Variants in LNPK observed in about 807,000 individuals in gnomAD.
LNPK encodes the protein endoplasmic reticulum junction formation protein lunapark.
In LNPK, 29 loss-of-function variants were observed where a neutral mutation model predicts 55.2. The ratio of observed to expected loss-of-function variants is 0.53; its 90% CI spans 0.39 to 0.72. The LOEUF (loss-of-function observed/expected upper bound fraction) is 0.72. Ranked by LOEUF, LNPK falls within the 30% of genes least tolerant of loss-of-function variation. The pLI, the probability that LNPK is intolerant of heterozygous loss-of-function variation, is 0.00. For synonymous variants in LNPK, 162 were observed against 168.2 expected, an observed-to-expected ratio of 0.96 and a Z score of 0.29; for missense variants, 467 against 494.8, an observed-to-expected ratio of 0.94 and a Z score of 0.53.
chr2:175,992,780 ATAAT>A (rs1468007492), intron 3 of LNPK, among the ~76,000 whole-genome samples: 3 of 152,174 alleles, frequency 2.0e-5, no homozygotes, highest in Admixed American at 6.5e-5. Context: ...AATAAGAAAA[ATAAT>A]TAATAAAAAT....
chr2:175,936,840 G>C (rs1223012769), intron 12 of LNPK, among the ~76,000 whole-genome samples: 1 of 152,104 alleles, frequency 6.6e-6, no homozygotes, highest in Non-Finnish European at 1.5e-5. Flanking sequence ...TTGTTTTAAT[G>C]AAATACCAGT....
intron 5 of LNPK, among the ~76,000 whole-genome samples, chr2:175,979,609 T>A (rs1196045684): frequency 6.6e-6 from 1 of 151,936 alleles, no homozygotes; most frequent in East Asian, 1.9e-4. Context: ...AAAAAAAATC[T>A]AAATGAACAA....
intron 1 of LNPK, among the ~76,000 whole-genome samples, chr2:175,998,164 C>T (rs1280178738): frequency 6.6e-6 from 1 of 152,030 alleles, no homozygotes; most frequent in Admixed American, 6.6e-5. Flanking sequence ...AGTAAGCAGG[C>T]CGGGTGCGGT....
chr2:175,961,646 G>A lies in LNPK; in HGVS notation c.493+2726C>T, dbSNP rs7561431. Among the ~76,000 whole-genome samples, 970 of 152,208 alleles carry A rather than the reference G, an allele frequency of 6.4e-3. 10 individuals are homozygous for A. The highest frequency in any genetic ancestry group is 0.019 in the African/African-American group (788 of 41,528). On this transcript the variant is annotated intron_variant, in intron 8 of 12. Coordinates refer to ENST00000272748, the MANE Select transcript of LNPK (RefSeq NM_030650.3). Reference sequence around the variant, plus strand: ...CATTCCCTTTGAAAACTGGCACAAGGCAGGGATGCCCTCTCTCACCACTCC... The same window carrying A: ...CATTCCCTTTGAAAACTGGCACAAGACAGGGATGCCCTCTCTCACCACTCC...
At chr2:175,994,626 G>A (rs1018619396) in intron 2 of LNPK, among the ~76,000 whole-genome samples, 4 of 151,004 alleles carry the variant, frequency 2.6e-5, no homozygotes, top group African/African-American at 7.3e-5. Flanking sequence ...GGATGGAAGC[G>A]ATCCTGCCTC....
chr2:175,942,557 T>G lies in LNPK; in HGVS notation c.707-2900A>C, dbSNP rs78807306. ...ATCTGAAAAATCTCCAAATATTTGG[T>G]GACTAAATAACATACATTTGAATAA... On this transcript the variant is annotated intron_variant, in intron 9 of 12. Coordinates refer to ENST00000272748, the MANE Select transcript of LNPK (RefSeq NM_030650.3). Among the ~76,000 whole-genome samples the G allele has an allele frequency of 1.0e-3, 154 of 151,852 alleles. 3 individuals carry two copies. In the East Asian group the frequency reaches 0.028, roughly 28 times the overall value.
At chr2:175,986,276 A>C (rs1460905916) in intron 4 of LNPK, among the ~76,000 whole-genome samples, 1 of 152,176 alleles carries the variant, frequency 6.6e-6, no homozygotes, top group Non-Finnish European at 1.5e-5. Context: ...TCCACCAAAA[A>C]AACTCAATAA....
chr2:175,989,680 T>C (rs1687600640), intron 4 of LNPK, among the ~76,000 whole-genome samples: 1 of 152,166 alleles, frequency 6.6e-6, no homozygotes, highest in Admixed American at 6.6e-5. Context: ...TGTGTAGCCT[T>C]AATGACTCCT....
At chr2:175,974,372 C>A (rs1352248124) in intron 5 of LNPK, among the ~76,000 whole-genome samples, 1 of 152,134 alleles carries the variant, frequency 6.6e-6, no homozygotes, top group African/African-American at 2.4e-5. Flanking sequence ...AAAGTTATAA[C>A]TGCATCGGTC....
intron 4 of LNPK, 44 bp downstream of exon 4, chr2:175,992,187 T>C (rs1286897091): frequency 1.6e-6 from 2 of 1,278,642 alleles, no homozygotes; most frequent in African/African-American, 1.6e-5. Flanking sequence ...TAAGACTCTC[T>C]AGTCAGAAAA....
rs555155406 is a variant in LNPK at position 175,949,918 on chromosome 2, A to C, written c.494-2226T>G. 1.4e-4 allele frequency among the ~76,000 whole-genome samples: 21 copies of C among 152,244 alleles called. No individual in the cohort carries two copies. In the South Asian group the frequency reaches 4.1e-3, roughly 30 times the overall value. On this transcript the variant is annotated intron_variant, in intron 8 of 12. Transcript: ENST00000272748. ...TCTCAATTTAAAATACCTCAGATTT[A>C]TCTACTTTTAACTACTTGTGATTCA...
At chr2:175,941,821 A>AAG (rs1223436329) in intron 9 of LNPK, among the ~76,000 whole-genome samples, 3 of 147,318 alleles carry the variant, frequency 2.0e-5, no homozygotes, top group African/African-American at 7.6e-5. Flanking sequence ...AAAGAAAAAG[A>AAG]AGAGAGAGAG....
At chr2:175,965,418 T>C (rs950493758) in intron 6 of LNPK, among the ~76,000 whole-genome samples, 6 of 152,216 alleles carry the variant, frequency 3.9e-5, no homozygotes, top group Non-Finnish European at 4.4e-5. Flanking sequence ...AAGACAGTCA[T>C]AGTAATGACA....
chr2:175,930,846 T>A (rs200276919), intron 12 of LNPK, among the ~76,000 whole-genome samples: 1 of 152,330 alleles, frequency 6.6e-6, no homozygotes, highest in East Asian at 1.9e-4. Context: ...ACTACATACC[T>A]AGCATGTTAG....
chr2:175,970,162 T>C (rs983835990), intron 6 of LNPK, among the ~76,000 whole-genome samples: 3 of 152,306 alleles, frequency 2.0e-5, no homozygotes, highest in Admixed American at 6.5e-5. Context: ...TATTACAGAC[T>C]ACTATGTATC....
chr2:175,981,719 C>T (rs1033015607), intron 4 of LNPK, among the ~76,000 whole-genome samples: 1 of 152,282 alleles, frequency 6.6e-6, no homozygotes, highest in Non-Finnish European at 1.5e-5. Context: ...TAAAGATCTG[C>T]AATGACTTTA....
intron 12 of LNPK, among the ~76,000 whole-genome samples, chr2:175,934,984 A>T (rs1274014313): frequency 6.6e-6 from 1 of 152,130 alleles, no homozygotes; most frequent in African/African-American, 2.4e-5. Flanking sequence ...CGGTCCAGAA[A>T]TTTTAACAGC....
intron 9 of LNPK, among the ~76,000 whole-genome samples, chr2:175,942,755 C>T (rs1384952123): frequency 6.6e-6 from 1 of 151,136 alleles, no homozygotes; most frequent in Admixed American, 6.6e-5. Flanking sequence ...ATTTCAGCTT[C>T]CACATTAAGA....
intron 4 of LNPK, among the ~76,000 whole-genome samples, chr2:175,987,022 A>G (rs1490106247): frequency 1.3e-5 from 2 of 152,062 alleles, no homozygotes; most frequent in Admixed American, 1.3e-4. Context: ...AATTATTGCT[A>G]TTTACAGATT....
Sources: gnomAD v4.1 joint callset for allele counts (sites outside exome capture counted in the v4.1 genomes callset) on GRCh38, gnomAD v4.1.1 for gene constraint, MANE v1.5 for transcripts, NCBI Gene and HGNC (gene_info 2026-07-23, HGNC 2026-07-21) for gene names.